The following FYB2 variants were observed in gnomAD, a reference collection of about 807,000 sequenced individuals.
FYB2 encodes the protein FYN binding protein 2.
FYB2 carries 103 observed loss-of-function variants against 94.1 expected under a neutral mutation model. That is an observed-to-expected ratio of 1.09 (90% CI 0.93 to 1.29). FYB2 has a LOEUF of 1.29. Ranked by LOEUF, FYB2 falls within the 50% of genes most tolerant of loss-of-function variation. The pLI is 0.00. For synonymous variants in FYB2, 293 were observed against 287.9 expected (o/e 1.02, Z -0.18); for missense variants, 896 against 841.5 (o/e 1.06, Z -0.80).
At chr1:56,814,594 T>C (rs1024360558) in intron 1 of FYB2, among the ~76,000 whole-genome samples, 1 of 152,188 alleles carries the variant, frequency 6.6e-6, no homozygotes, top group African/African-American at 2.4e-5. Flanking sequence ...GAACAGGATG[T>C]GCCCAGTCTT....
chr1:56,817,144 G>C (rs141603289), intron 1 of FYB2, among the ~76,000 whole-genome samples: 1 of 152,048 alleles, frequency 6.6e-6, no homozygotes, highest in Admixed American at 6.5e-5. Context: ...TCTCCATTTC[G>C]CTCAGAGGAA....
chr1:56,788,237 T>A (rs1042728662), intron 3 of FYB2, among the ~76,000 whole-genome samples: 1 of 152,226 alleles, frequency 6.6e-6, no homozygotes, highest in Non-Finnish European at 1.5e-5. Context: ...GAACAAAGAC[T>A]GTGTTAGCTG....
intron 8 of FYB2, 55 bp downstream of exon 8, chr1:56,753,768 GCCATATAAAGTCACCC>G: frequency 9.8e-7 from 1 of 1,015,872 alleles, no homozygotes; most frequent in Non-Finnish European, 1.5e-6. Flanking sequence ...GCTCTCTCAG[GCCATATAAAGTCACCC>G]CCATGAACTG....
chr1:56,762,094 G>T (rs182880787), intron 5 of FYB2: 4 of 151,866 alleles, frequency 2.6e-5, no homozygotes, highest in Non-Finnish European at 4.4e-5. Context: ...ATTGTTCTAC[G>T]TGTCTCTCTT....
intron 6 of FYB2, among the ~76,000 whole-genome samples, chr1:56,757,694 CT>C (rs1381725408): frequency 2.0e-4 from 15 of 73,728 alleles, no homozygotes; most frequent in South Asian, 6.2e-4. Context: ...TTCCTTCTTT[CT>C]TTCTTTCTTT....
chr1:56,792,889 A>G (rs1365029004), intron 1 of FYB2, 86 bp from the exon 2 acceptor site: 2 of 1,385,146 alleles, frequency 1.4e-6, no homozygotes, highest in Non-Finnish European at 2.0e-6. Context: ...TTATTCCAAG[A>G]AAAAAAGTCA....
chr1:56,788,828 G>T, intron 3 of FYB2, 145 bp downstream of exon 3: 1 of 1,181,442 alleles, frequency 8.5e-7, no homozygotes, highest in Non-Finnish European at 1.2e-6. Context: ...TCATGGGCAA[G>T]CTGCCACAGC....
intron 1 of FYB2, among the ~76,000 whole-genome samples, chr1:56,797,019 TA>T (rs1646416600): frequency 6.6e-6 from 1 of 152,070 alleles, no homozygotes; most frequent in Non-Finnish European, 1.5e-5. Flanking sequence ...AGGGAATTAT[TA>T]AATATATGGC....
chr1:56,732,976 A>G (rs971824134), intron 15 of FYB2, among the ~76,000 whole-genome samples: 39 of 152,098 alleles, frequency 2.6e-4, no homozygotes, highest in African/African-American at 8.9e-4. Flanking sequence ...GCAAAAATCA[A>G]CAAATGGGAT....
At chr1:56,756,960 C>T (rs10489619) in intron 6 of FYB2, among the ~76,000 whole-genome samples, 13,031 of 152,080 alleles carry the variant, frequency 0.086, 1,054 homozygotes, top group East Asian at 0.22. Flanking sequence ...TGCAAAGGCT[C>T]AAGAGCATCT....
Position 56,788,989 on chromosome 1 carries a change from G to A in FYB2, c.903C>T (p.Pro301=). The A allele has an allele frequency of 6.2e-7, 1 of 1,614,012 alleles. No individual in the cohort carries two copies. Among genetic ancestry groups the A allele is most frequent in the Non-Finnish European group, 8.5e-7 (1 of 1,179,954 alleles). The part of the protein sequence containing the change: ...QAFQRQPAAV[P]KTQGEVTVEE... ...TTTCCTTACCTTCCCCCTGAGTCTT[G>A]GGAACAGCAGCTGGCTGCCTCTGAA... Residue 301 remains proline, a synonymous_variant, in exon 3 of 20, where the codon CCC becomes CCT. Coordinates refer to ENST00000343433, the MANE Select transcript of FYB2 (RefSeq NM_001004303.5).
rs1644550311 is a variant in FYB2, at chr1:56,724,620, T to A, written c.1881-939A>T. ...CTAAAATTTAGTTATGTCACTCTCT[T>A]GCTTAAAACCTTTCAATTTCTCTCT... On this transcript the variant is annotated intron_variant, in intron 16 of 19. Transcript: ENST00000343433. Among the ~76,000 whole-genome samples the A allele has an allele frequency of 1.3e-5, 2 of 152,066 alleles. 1 individual carries two copies. Among genetic ancestry groups the A allele is most frequent in the South Asian group, 4.1e-4 (2 of 4,830 alleles).
At chr1:56,783,699 CGTGTGT>C (rs144286316) in intron 4 of FYB2, among the ~76,000 whole-genome samples, 1 of 151,136 alleles carries the variant, frequency 6.6e-6, no homozygotes, top group Non-Finnish European at 1.5e-5. Context: ...AACAAAGAAG[CGTGTGT>C]GTGTGTGTAT....
At chr1:56,730,996 C>T (rs1217129444) in intron 15 of FYB2, among the ~76,000 whole-genome samples, 2 of 152,030 alleles carry the variant, frequency 1.3e-5, no homozygotes, top group Non-Finnish European at 2.9e-5. Context: ...ATCCCTGAGC[C>T]CAGGAAGTCA....
intron 16 of FYB2, among the ~76,000 whole-genome samples, chr1:56,726,221 C>T (rs1413278999): frequency 2.0e-5 from 3 of 151,906 alleles, no homozygotes; most frequent in Non-Finnish European, 1.5e-5. Context: ...GGAAATTTGT[C>T]ATTGTTTGAA....
At chr1:56,787,842 G>C (rs993186583) in intron 3 of FYB2, among the ~76,000 whole-genome samples, 3 of 152,184 alleles carry the variant, frequency 2.0e-5, no homozygotes, top group Non-Finnish European at 2.9e-5. Context: ...TTCTCATTCA[G>C]AGAGAATATT....
Position 56,792,377 on chromosome 1 carries a change from C to T in FYB2, c.436G>A (p.Val146Ile). ...FRNKLWNWEK[V>I]SSQKSEMSSA... ...GACATTTCACTTTTCTGAGATGAAA[C>T]CTTCTCCCAGTTCCAGAGTTTGTTT... Residue 146 changes from valine to isoleucine, a missense_variant, in exon 2 of 20, where the codon GTT becomes ATT. By Grantham distance (29) the Val-to-Ile change is conservative (BLOSUM62 3). Transcript: ENST00000343433. 1.2e-6 allele frequency: 2 copies of T among 1,614,102 alleles called. No individual in the cohort carries two copies. The highest frequency in any genetic ancestry group is 1.1e-5 in the South Asian group (1 of 91,080).
At chr1:56,809,697 C>T (rs1214802480) in intron 1 of FYB2, among the ~76,000 whole-genome samples, 2 of 152,184 alleles carry the variant, frequency 1.3e-5, no homozygotes, top group Non-Finnish European at 2.9e-5. Context: ...GTGTTTATTA[C>T]ACTCTAATTG....
At chr1:56,806,611 A>T (rs1160176041) in intron 1 of FYB2, among the ~76,000 whole-genome samples, 8 of 152,206 alleles carry the variant, frequency 5.3e-5, no homozygotes, top group Admixed American at 5.2e-4. Flanking sequence ...TATCAAAATG[A>T]TATTTTGCAA....
Sources: gnomAD v4.1 joint callset for allele counts (sites outside exome capture counted in the v4.1 genomes callset) on GRCh38, gnomAD v4.1.1 for gene constraint, MANE v1.5 for transcripts, NCBI Gene and HGNC (gene_info 2026-07-23, HGNC 2026-07-21) for gene names.